Variants in IL1RAPL2 observed in about 807,000 individuals in gnomAD.
The protein encoded by IL1RAPL2 is interleukin 1 receptor accessory protein like 2.
IL1RAPL2 carries 3 observed loss-of-function variants against 44.1 expected under a neutral mutation model. The observed-to-expected ratio is 0.07, with a 90% confidence interval of 0.03 to 0.18. The LOEUF (loss-of-function observed/expected upper bound fraction) is 0.18. Among genes scored for constraint, IL1RAPL2 ranks in the 10% least tolerant of loss-of-function variants. IL1RAPL2 has a pLI of 1.00. For missense variants in IL1RAPL2, 391 were observed against 496.4 expected (o/e 0.79, Z 2.02); for synonymous variants, 181 against 178.8 (o/e 1.01, Z -0.10).
intron 2 of IL1RAPL2, among the ~76,000 whole-genome samples, chrX:104,730,710 T>G (rs1328760274): frequency 1.9e-5 from 2 of 108,073 alleles, no homozygotes; most frequent in Non-Finnish European, 3.9e-5. Flanking sequence ...TATAGCAGCA[T>G]GATTTATAGT....
intron 2 of IL1RAPL2, among the ~76,000 whole-genome samples, chrX:104,866,567 G>A (rs953255764): frequency 9.0e-6 from 1 of 111,691 alleles, no homozygotes; most frequent in African/African-American, 3.3e-5. Context: ...GCAAAGGAGA[G>A]TAGTTGCCAC....
At chrX:104,941,551 AT>A (rs779776310) in intron 2 of IL1RAPL2, among the ~76,000 whole-genome samples, 2 of 109,907 alleles carry the variant, frequency 1.8e-5, no homozygotes. Context: ...GGGTTTTTTG[AT>A]TTTTTCTTGT....
At chrX:105,605,279 A>G (rs758896595) in intron 6 of IL1RAPL2, among the ~76,000 whole-genome samples, 2 of 111,726 alleles carry the variant, frequency 1.8e-5, no homozygotes, top group African/African-American at 3.2e-5. Flanking sequence ...ATCAACTTAC[A>G]AAAATCAATA....
intron 6 of IL1RAPL2, among the ~76,000 whole-genome samples, chrX:105,685,906 T>C (rs1034319360): frequency 1.8e-5 from 2 of 111,612 alleles, no homozygotes; most frequent in African/African-American, 6.5e-5. Context: ...TTCAACATTC[T>C]TAAAATAAAA....
intron 2 of IL1RAPL2, among the ~76,000 whole-genome samples, chrX:104,797,488 T>C (rs1932858164): frequency 9.0e-6 from 1 of 111,590 alleles, no homozygotes; most frequent in African/African-American, 3.3e-5. Flanking sequence ...CATGCTATGA[T>C]TCCCTCTAGG....
At chrX:104,892,345 G>C (rs891215736) in intron 2 of IL1RAPL2, among the ~76,000 whole-genome samples, 1 of 111,523 alleles carries the variant, frequency 9.0e-6, no homozygotes, top group African/African-American at 3.3e-5. Context: ...TTTTTCTATT[G>C]ATTGGAATCA....
intron 2 of IL1RAPL2, among the ~76,000 whole-genome samples, chrX:104,972,492 T>C (rs887038981): frequency 9.0e-6 from 1 of 111,609 alleles, no homozygotes; most frequent in Non-Finnish European, 1.9e-5. Flanking sequence ...TATCATTAGT[T>C]AGGAGATCTG....
At chrX:105,370,347 A>G (rs2035328182) in intron 5 of IL1RAPL2, among the ~76,000 whole-genome samples, 1 of 111,384 alleles carries the variant, frequency 9.0e-6, no homozygotes, top group Non-Finnish European at 1.9e-5. Flanking sequence ...AGTACCCAAT[A>G]CGTACTTTTT....
chrX:104,952,858 C>G (rs1160797713), intron 2 of IL1RAPL2, among the ~76,000 whole-genome samples: 1 of 112,364 alleles, frequency 8.9e-6, no homozygotes, highest in African/African-American at 3.2e-5. Context: ...CTGTTCAGAA[C>G]TCATAATGGT....
intron 6 of IL1RAPL2, among the ~76,000 whole-genome samples, chrX:105,690,592 G>A: frequency 9.0e-6 from 1 of 111,694 alleles, no homozygotes; most frequent in Non-Finnish European, 1.9e-5. Flanking sequence ...CCTACATTAT[G>A]TGAACTCGAA....
intron 6 of IL1RAPL2, among the ~76,000 whole-genome samples, chrX:105,505,258 G>A (rs781725004): frequency 4.7e-4 from 52 of 111,783 alleles, no homozygotes; most frequent in African/African-American, 1.6e-3. Context: ...GATGTACCAG[G>A]CACCATTATA....
intron 2 of IL1RAPL2, among the ~76,000 whole-genome samples, chrX:105,175,490 T>C (rs2033464322): frequency 1.8e-5 from 2 of 111,574 alleles, no homozygotes; most frequent in South Asian, 7.4e-4. Context: ...AAAATCATCT[T>C]AATTTAACAG....
intron 6 of IL1RAPL2, among the ~76,000 whole-genome samples, chrX:105,677,818 A>G (rs1187307737): frequency 8.9e-6 from 1 of 111,933 alleles, no homozygotes; most frequent in Non-Finnish European, 1.9e-5. Context: ...CCTAGTATGT[A>G]TCCTCTAAAA....
chrX:105,332,127 G>T lies in IL1RAPL2; in HGVS notation c.697+64586G>T, dbSNP rs1017891935. ...GGGACCAGAAGCAAATGCAGGTATC[G>T]CAGACATATAAAACAGAATCTCAGG... On this transcript the variant is annotated intron_variant, in intron 5 of 10. Transcript: ENST00000372582. Among the ~76,000 whole-genome samples the T allele has an allele frequency of 3.6e-5, 4 of 110,102 alleles. No individual in the cohort carries two copies. The East Asian group carries it at 1.2e-3, about 32-fold the overall frequency.
intron 5 of IL1RAPL2, among the ~76,000 whole-genome samples, chrX:105,377,684 C>T (rs1403005849): frequency 3.6e-5 from 4 of 110,903 alleles, no homozygotes; most frequent in Non-Finnish European, 1.9e-5. Context: ...TTTAGAAGAC[C>T]AGGTTTACTC....
chrX:104,673,793 C>G (rs1420181450), intron 2 of IL1RAPL2, among the ~76,000 whole-genome samples: 3 of 107,776 alleles, frequency 2.8e-5, no homozygotes, highest in Non-Finnish European at 5.8e-5. Flanking sequence ...GTTTGTAGTT[C>G]TCCTTGAAGA....
chrX:105,672,550 C>T (rs1477276735), intron 6 of IL1RAPL2, among the ~76,000 whole-genome samples: 3 of 112,516 alleles, frequency 2.7e-5, no homozygotes, highest in Non-Finnish European at 5.6e-5. Context: ...ACAGCTGAGT[C>T]GGGGTAGAAG....
intron 7 of IL1RAPL2, among the ~76,000 whole-genome samples, chrX:105,718,478 G>C (rs1041412773): frequency 3.6e-5 from 4 of 111,404 alleles, no homozygotes; most frequent in African/African-American, 1.3e-4. Flanking sequence ...AAGAGTCTAT[G>C]CAAAATATTT....
chrX:105,219,758 C>A, intron 3 of IL1RAPL2: 1 of 1,201,162 alleles, frequency 8.3e-7, no homozygotes. Context: ...GACACCAGCT[C>A]CTGGAGAGAA....
Sources: gnomAD v4.1 joint callset for allele counts (sites outside exome capture counted in the v4.1 genomes callset) on GRCh38, gnomAD v4.1.1 for gene constraint, MANE v1.5 for transcripts, NCBI Gene and HGNC (gene_info 2026-07-23, HGNC 2026-07-21) for gene names.